Variants in ATP8A1 observed in about 807,000 individuals in gnomAD.
ATP8A1 encodes ATPase phospholipid transporting 8A1.
ATP8A1 carries 90 observed loss-of-function variants against 177.7 expected under a neutral mutation model. The ratio of observed to expected loss-of-function variants is 0.51; its 90% CI spans 0.43 to 0.60. ATP8A1 has a LOEUF of 0.60. ATP8A1 is among the 20% of genes least tolerant of loss of function. The pLI, the probability that ATP8A1 is intolerant of heterozygous loss-of-function variation, is 0.00. For synonymous variants in ATP8A1, 493 were observed against 485.9 expected, an observed-to-expected ratio of 1.01 and a Z score of -0.19; for missense variants, 1,072 against 1,392.8, an observed-to-expected ratio of 0.77 and a Z score of 3.67.
intron 25 of ATP8A1, among the ~76,000 whole-genome samples, chr4:42,469,277 A>C (rs1022869439): frequency 6.6e-6 from 1 of 152,222 alleles, no homozygotes; most frequent in Non-Finnish European, 1.5e-5. Context: ...TACAACAGGA[A>C]TAAACATACT....
Position 42,551,344 on chromosome 4 carries a change from G to A in ATP8A1, c.1520-64C>T, listed in dbSNP as rs576728014. On this transcript the variant is annotated intron_variant, in intron 17 of 36. Transcript: ENST00000381668. The stretch of plus-strand genomic sequence containing the variant: ...AAAAAAAAATATTCTCAGCACAAGA[G>A]AAGTACATTAAGGTAATATAATTTT... The A allele has an allele frequency of 3.5e-6, 4 of 1,128,518 alleles. No individual in the cohort carries two copies. In the African/African-American group the frequency reaches 4.6e-5, roughly 13 times the overall value. The allele number at this position is 1,128,518 out of a possible 1,614,324, so 69.9% of individuals were successfully genotyped here.
intron 1 of ATP8A1, among the ~76,000 whole-genome samples, chr4:42,649,466 T>C (rs561833418): frequency 6.6e-6 from 1 of 152,328 alleles, no homozygotes; most frequent in African/African-American, 2.4e-5. Flanking sequence ...ATATGAAGTA[T>C]ATAAAAGTTT....
At chr4:42,492,911 T>G (rs1041259256) in intron 24 of ATP8A1, among the ~76,000 whole-genome samples, 18 of 152,186 alleles carry the variant, frequency 1.2e-4, no homozygotes, top group African/African-American at 4.1e-4. Flanking sequence ...CTTCCCTTCC[T>G]TAGAAAGGAA....
intron 1 of ATP8A1, among the ~76,000 whole-genome samples, chr4:42,654,123 C>A (rs1413424492): frequency 6.6e-6 from 1 of 152,186 alleles, no homozygotes; most frequent in Non-Finnish European, 1.5e-5. Context: ...TATGAACCTT[C>A]GAGTTTGAGA....
At chr4:42,597,365 C>T (rs1220920314) in intron 6 of ATP8A1, among the ~76,000 whole-genome samples, 1 of 152,192 alleles carries the variant, frequency 6.6e-6, no homozygotes, top group Non-Finnish European at 1.5e-5. Flanking sequence ...GCTTTTGTGC[C>T]TGTTCGCTTG....
At chr4:42,564,311 C>T (rs569437312) in intron 15 of ATP8A1, among the ~76,000 whole-genome samples, 2 of 152,238 alleles carry the variant, frequency 1.3e-5, no homozygotes, top group African/African-American at 4.8e-5. Flanking sequence ...ATCCTCCAGA[C>T]CCCAGAATGC....
chr4:42,434,801 A>G (rs767221590), intron 33 of ATP8A1, among the ~76,000 whole-genome samples: 80 of 152,168 alleles, frequency 5.3e-4, no homozygotes, highest in Admixed American at 1.2e-3. Flanking sequence ...AGGTTGGTAA[A>G]ATGGCTAGAG....
chr4:42,424,923 T>C (rs1055560729), intron 33 of ATP8A1, among the ~76,000 whole-genome samples: 1 of 152,160 alleles, frequency 6.6e-6, no homozygotes, highest in Non-Finnish European at 1.5e-5. Flanking sequence ...AGCACCAATA[T>C]TCGAGACACC....
At chr4:42,487,921 T>C (rs1722356758) in intron 24 of ATP8A1, among the ~76,000 whole-genome samples, 1 of 152,178 alleles carries the variant, frequency 6.6e-6, no homozygotes, top group Admixed American at 6.5e-5. Context: ...CAGCATTCTT[T>C]GCAAAATTTT....
At chr4:42,645,060 T>C (rs933087635) in intron 1 of ATP8A1, among the ~76,000 whole-genome samples, 4 of 152,148 alleles carry the variant, frequency 2.6e-5, no homozygotes, top group Non-Finnish European at 5.9e-5. Context: ...GTAATGACAC[T>C]GCAGAAAAGC....
chr4:42,448,830 T>A (rs1384588979), intron 30 of ATP8A1, among the ~76,000 whole-genome samples: 3 of 2,738 alleles, frequency 1.1e-3, no homozygotes, highest in Non-Finnish European at 2.7e-3. Flanking sequence ...TACTTTGCGT[T>A]TTTTTTTTTT....
At chr4:42,616,821 A>G (rs537011963) in intron 4 of ATP8A1, among the ~76,000 whole-genome samples, 1 of 152,338 alleles carries the variant, frequency 6.6e-6, no homozygotes, top group East Asian at 1.9e-4. Context: ...AAGAAGAAAC[A>G]GAAGGTCAGA....
intron 6 of ATP8A1, chr4:42,594,416 T>C (rs1332117338): frequency 1.2e-5 from 12 of 990,318 alleles, no homozygotes; most frequent in Non-Finnish European, 1.9e-5. Context: ...TAGTTACAAA[T>C]ATACAACCCA....
intron 27 of ATP8A1, among the ~76,000 whole-genome samples, chr4:42,457,856 C>T (rs1307181634): frequency 6.6e-6 from 1 of 152,134 alleles, no homozygotes; most frequent in African/African-American, 2.4e-5. Flanking sequence ...GCATGACCTG[C>T]TTTATACTTT....
chr4:42,543,536 G>A (rs2153206859), intron 20 of ATP8A1, among the ~76,000 whole-genome samples: 1 of 152,292 alleles, frequency 6.6e-6, no homozygotes, highest in South Asian at 2.1e-4. Flanking sequence ...GGTAGTAACT[G>A]TGATCTAATT....
At chr4:42,612,739 T>C (rs1736495731) in intron 5 of ATP8A1, among the ~76,000 whole-genome samples, 1 of 152,054 alleles carries the variant, frequency 6.6e-6, no homozygotes, top group Non-Finnish European at 1.5e-5. Flanking sequence ...TTGAGTTAAC[T>C]TATCAGTGAA....
At chr4:42,480,008 G>GTGTGTGTGTGTGTT (rs1560372186) in intron 25 of ATP8A1, among the ~76,000 whole-genome samples, 4 of 149,962 alleles carry the variant, frequency 2.7e-5, no homozygotes, top group African/African-American at 7.3e-5. Context: ...GTGTGTGTGT[G>GTGTGTGTGTGTGTT]TGTGTGTGTG....
chr4:42,580,168 C>G (rs2306005), intron 10 of ATP8A1, among the ~76,000 whole-genome samples, 190 bp from the exon 11 acceptor site: 23,249 of 152,026 alleles, frequency 0.15, 2,194 homozygotes, highest in East Asian at 0.32. Context: ...TTCAAGGCCA[C>G]TACACCACCC....
Position 42,656,932 on chromosome 4 carries a change from A to G in ATP8A1, c.-59T>C, listed in dbSNP as rs954308706. 102 of 1,451,204 alleles carry G rather than the reference A, an allele frequency of 7.0e-5. No homozygotes were observed. Among genetic ancestry groups the G allele is most frequent in the Non-Finnish European group, 9.2e-5 (100 of 1,085,772 alleles). 89.9% of individuals were successfully genotyped at this position (1,451,204 alleles called of 1,614,324 possible). A position where few individuals can be genotyped will look rare whatever the true frequency, so the allele number is the denominator to read the frequency against. ...GACTCTGCACCTGTCACGGCGTGGT[A>G]CACGCGGGAGACCCGGCTGCGCCGC... On this transcript the variant is annotated 5_prime_UTR_variant, in exon 1 of 37. Coordinates refer to ENST00000381668, the MANE Select transcript of ATP8A1 (RefSeq NM_006095.2).
Sources: allele counts gnomAD v4.1 joint callset (sites outside exome capture counted in the v4.1 genomes callset), GRCh38; gene constraint gnomAD v4.1.1; transcripts MANE v1.5; gene names NCBI Gene and HGNC (gene_info 2026-07-23, HGNC 2026-07-21).